The following SORCS3 variants were observed in gnomAD, a reference collection of about 807,000 sequenced individuals.
SORCS3 encodes sortilin related VPS10 domain containing receptor 3.
SORCS3 carries 57 observed loss-of-function variants against 146.3 expected under a neutral mutation model. The ratio of observed to expected loss-of-function variants is 0.39; its 90% CI spans 0.31 to 0.49. SORCS3 has a LOEUF of 0.49. Ranked by LOEUF, SORCS3 falls within the 20% of genes least tolerant of loss-of-function variation. The pLI is 0.92. For synonymous variants in SORCS3, 653 were observed against 618.5 expected (o/e 1.06, Z -0.83); for missense variants, 1,341 against 1,575.5 (o/e 0.85, Z 2.52).
At chr10:105,025,837 AACACACACACACACACAC>A (rs57597161) in intron 4 of SORCS3, among the ~76,000 whole-genome samples, 1 of 135,418 alleles carries the variant, frequency 7.4e-6, no homozygotes, top group African/African-American at 2.8e-5. Context: ...TGTCTTCTCA[AACACACACACACACACAC>A]ACACACACAC....
intron 2 of SORCS3, among the ~76,000 whole-genome samples, chr10:104,881,031 A>T (rs1182881352): frequency 6.6e-6 from 1 of 152,198 alleles, no homozygotes; most frequent in African/African-American, 2.4e-5. Flanking sequence ...CAAAACTATG[A>T]TTATTTATTT....
intron 9 of SORCS3, among the ~76,000 whole-genome samples, chr10:105,152,365 C>A (rs1480193674): frequency 6.6e-6 from 1 of 152,066 alleles, no homozygotes; most frequent in Non-Finnish European, 1.5e-5. Context: ...TTTATTTAAA[C>A]AAAGTATCTA....
intron 2 of SORCS3, among the ~76,000 whole-genome samples, chr10:104,850,233 C>T (rs1030569611): frequency 6.6e-6 from 1 of 152,140 alleles, no homozygotes; most frequent in African/African-American, 2.4e-5. Flanking sequence ...AATTTATGGG[C>T]CCTACCCAAG....
chr10:105,211,795 T>C (rs2056635636), intron 17 of SORCS3, among the ~76,000 whole-genome samples: 1 of 152,234 alleles, frequency 6.6e-6, no homozygotes, highest in Admixed American at 6.5e-5. Context: ...TTCTTGAAGA[T>C]TTGTTGTCTT....
chr10:104,940,692 C>T (rs375303538), intron 3 of SORCS3, among the ~76,000 whole-genome samples: 2 of 151,844 alleles, frequency 1.3e-5, no homozygotes, highest in Non-Finnish European at 2.9e-5. Flanking sequence ...TGAATAGTGC[C>T]GCAGTAAACA....
intron 1 of SORCS3, among the ~76,000 whole-genome samples, chr10:104,793,526 A>G (rs1455934904): frequency 6.6e-6 from 1 of 152,158 alleles, no homozygotes. Flanking sequence ...CAGGAAGAAG[A>G]TTATGGAAAT....
chr10:104,785,091 C>G (rs1438230727), intron 1 of SORCS3, among the ~76,000 whole-genome samples: 6 of 151,916 alleles, frequency 3.9e-5, no homozygotes. Context: ...CCCCCCCCCA[C>G]CTCCCTCCTG....
At chr10:104,891,121 A>T (rs1428729369) in intron 2 of SORCS3, among the ~76,000 whole-genome samples, 1 of 152,168 alleles carries the variant, frequency 6.6e-6, no homozygotes, top group Non-Finnish European at 1.5e-5. Flanking sequence ...TAGGGTTTAC[A>T]AGTGTTTTGC....
intron 5 of SORCS3, among the ~76,000 whole-genome samples, chr10:105,080,125 G>C (rs559637319): frequency 6.6e-6 from 1 of 152,130 alleles, no homozygotes; most frequent in Admixed American, 6.6e-5. Context: ...GCTCTTTGAG[G>C]AATCACCACA....
intron 2 of SORCS3, among the ~76,000 whole-genome samples, chr10:104,892,060 G>T (rs1589538630): frequency 6.6e-6 from 1 of 152,218 alleles, no homozygotes; most frequent in African/African-American, 2.4e-5. Flanking sequence ...ATTTTGTGAA[G>T]ATTCTCATTT....
At chr10:104,851,569 C>G (rs1270606566) in intron 2 of SORCS3, among the ~76,000 whole-genome samples, 1 of 152,164 alleles carries the variant, frequency 6.6e-6, no homozygotes, top group Non-Finnish European at 1.5e-5. Context: ...GGATGCATTT[C>G]CTTGCTCTCT....
chr10:104,876,815 CCTTCTTT>C (rs929386871), intron 2 of SORCS3, among the ~76,000 whole-genome samples: 9 of 148,866 alleles, frequency 6.0e-5, no homozygotes, highest in African/African-American at 2.2e-4. Flanking sequence ...CTCTTTCTCT[CCTTCTTT>C]CTTTCTTTCT....
intron 11 of SORCS3, among the ~76,000 whole-genome samples, chr10:105,160,406 C>T (rs2056252217): frequency 6.6e-6 from 1 of 152,148 alleles, no homozygotes; most frequent in South Asian, 2.1e-4. Flanking sequence ...GCAGGTGGAT[C>T]ACCTGAGGTC....
chr10:105,054,906 T>G (rs1589611433), intron 5 of SORCS3, among the ~76,000 whole-genome samples: 1 of 152,314 alleles, frequency 6.6e-6, no homozygotes, highest in East Asian at 1.9e-4. Context: ...CTTATTTTAC[T>G]TATTGATTCA....
At chr10:104,807,994 A>G (rs1354462244) in intron 1 of SORCS3, among the ~76,000 whole-genome samples, 1 of 152,204 alleles carries the variant, frequency 6.6e-6, no homozygotes, top group Non-Finnish European at 1.5e-5. Context: ...ACAGTCGTAA[A>G]TAATATAGCT....
intron 2 of SORCS3, among the ~76,000 whole-genome samples, chr10:104,878,403 T>G (rs1031249292): frequency 6.6e-6 from 1 of 152,154 alleles, no homozygotes; most frequent in Admixed American, 6.6e-5. Context: ...TATGGAGAAT[T>G]TCATTATATA....
intron 3 of SORCS3, among the ~76,000 whole-genome samples, chr10:104,960,068 G>A (rs1183906909): frequency 6.6e-6 from 1 of 152,048 alleles, no homozygotes; most frequent in Non-Finnish European, 1.5e-5. Context: ...AGATGTTTGA[G>A]GGCCCGTCCC....
intron 1 of SORCS3, among the ~76,000 whole-genome samples, chr10:104,767,723 C>T (rs2017197835): frequency 7.3e-6 from 1 of 136,848 alleles, no homozygotes; most frequent in South Asian, 2.7e-4. Flanking sequence ...CCCTCCGCCT[C>T]CCCTCCCCTT....
rs373119228 is a variant in SORCS3, at chr10:104,826,644, C to T, written c.628-16148C>T. On this transcript the variant is annotated intron_variant, in intron 1 of 26. Transcript: ENST00000369701. ...TCTTTTTTGCTGGTAGAGGGTCTTG[C>T]CTCAATGTCAATGGCTGCTGACTGA... Among the ~76,000 whole-genome samples, 17 of 152,288 alleles carry T rather than the reference C, an allele frequency of 1.1e-4. No homozygotes were observed. The East Asian group carries it at 2.3e-3, about 21-fold the overall frequency.
Sources: allele counts gnomAD v4.1 joint callset (sites outside exome capture counted in the v4.1 genomes callset), GRCh38; gene constraint gnomAD v4.1.1; transcripts MANE v1.5; gene names NCBI Gene and HGNC (gene_info 2026-07-23, HGNC 2026-07-21).